The following TMC4 variants were observed in gnomAD, a reference collection of about 807,000 sequenced individuals.
TMC4 encodes the protein transmembrane channel like 4, also known as voltage-gated chloride channel TMC4.
In TMC4, 70 loss-of-function variants were observed where a neutral mutation model predicts 82.0. The observed-to-expected ratio is 0.85, with a 90% CI of 0.70 to 1.04. TMC4 has a LOEUF of 1.04. TMC4 is among the 50% of genes least tolerant of loss of function. TMC4 has a pLI of 0.00. For missense variants in TMC4, 879 were observed against 899.0 expected (o/e 0.98, Z 0.28); for synonymous variants, 446 against 406.0 (o/e 1.10, Z -1.18).
chr19:54,167,254 C>T (rs917066212), intron 5 of TMC4, among the ~76,000 whole-genome samples: 1 of 151,896 alleles, frequency 6.6e-6, no homozygotes. Flanking sequence ...CAGAGTGAGA[C>T]CCTGTCTCAA....
rs1333981068 is a variant in TMC4, at chr19:54,163,118, A to G, written c.1319T>C (p.Phe440Ser). ...LRLASLVVLL[F>S]SLWNQITCGG... ...ACAAGTGATCTGATTCCAGAGAGAG[A>G]AGAGCAGGACCACCAGGGAGGCGAG... The change falls in exon 9 of 15, where the codon TTC becomes TCC. Residue 440 changes from phenylalanine to serine, a missense_variant. By Grantham distance (155) the Phe-to-Ser change is radical. Coordinates refer to ENST00000619895, the MANE Select transcript of TMC4 (RefSeq NM_144686.4). 1 of 1,613,764 alleles carries G rather than the reference A, an allele frequency of 6.2e-7. No individual in the cohort carries two copies. The highest frequency in any genetic ancestry group is 1.3e-5 in the African/African-American group (1 of 74,914).
intron 1 of TMC4, chr19:54,172,617 T>C: frequency 3.6e-6 from 1 of 281,220 alleles, no homozygotes; most frequent in Non-Finnish European, 6.5e-6. Context: ...CAGCCCCTCC[T>C]CCCTCAGGCC....
At chr19:54,163,512 T>A in intron 8 of TMC4, 1 of 637,314 alleles carries the variant, frequency 1.6e-6, no homozygotes, top group Non-Finnish European at 2.7e-6. Context: ...TTCATCATGT[T>A]TGTCAGGCTG....
chr19:54,161,265 T>G lies in TMC4; in HGVS notation c.1687-5A>C. ...GCAGGTGGAGAAGAGGGTAAGCTGGTGGGGGAAGGCACGGAGAAAAGGGCT... is the reference window on the plus strand; with the variant it reads ...GCAGGTGGAGAAGAGGGTAAGCTGGGGGGGGAAGGCACGGAGAAAAGGGCT... On this transcript the variant is annotated splice_polypyrimidine_tract_variant and splice_region_variant and intron_variant, in intron 11 of 14. Transcript: ENST00000619895. 1 of 1,501,560 alleles carries G rather than the reference T, an allele frequency of 6.7e-7. No homozygotes were observed. 93.0% of individuals were successfully genotyped at this position (1,501,560 alleles called of 1,614,324 possible). A position where few individuals can be genotyped will look rare whatever the true frequency, so the allele number is the denominator to read the frequency against.
In TMC4 at chr19:54,162,773, G is replaced by A; in HGVS notation, c.1405-3C>T. The A allele has an allele frequency of 6.2e-7, 1 of 1,613,238 alleles. No homozygotes were observed. Among genetic ancestry groups the A allele is most frequent in the East Asian group, 2.2e-5 (1 of 44,870 alleles). The stretch of plus-strand genomic sequence containing the variant: ...TGGCCCAGGACAGTCTCCCAGCACT[G>A]AAGAAGGAAGAAATATATCAGAAAG... On this transcript the variant is annotated splice_region_variant and splice_polypyrimidine_tract_variant and intron_variant, in intron 9 of 14. Transcript: ENST00000619895.
intron 13 of TMC4, 110 bp downstream of exon 13, chr19:54,160,768 C>G (rs754115408): frequency 3.2e-5 from 47 of 1,460,882 alleles, no homozygotes; most frequent in Non-Finnish European, 4.0e-5. Context: ...CTCCCTCAGA[C>G]TCAGTACGTT....
intron 8 of TMC4, 145 bp from the exon 9 acceptor site, chr19:54,163,304 CTTTCTTTTTTTTT>C: frequency 1.3e-6 from 1 of 794,874 alleles, no homozygotes; most frequent in Non-Finnish European, 1.8e-6. Flanking sequence ...TTCTTTCTTT[CTTTCTTTTTTTTT>C]TTTTTTTTTT....
At chr19:54,172,761 A>T in intron 1 of TMC4, 1 of 402,970 alleles carries the variant, frequency 2.5e-6, no homozygotes, top group Non-Finnish European at 4.4e-6. Context: ...CCTCTAGCTC[A>T]GGAGTGTGGG....
At chr19:54,162,882 G>T in intron 9 of TMC4, 112 bp from the exon 10 acceptor site, 2 of 1,512,408 alleles carry the variant, frequency 1.3e-6, no homozygotes, top group Non-Finnish European at 9.1e-7. Context: ...ACTTTCTCTG[G>T]GGGTCCTCGT....
intron 3 of TMC4, among the ~76,000 whole-genome samples, chr19:54,168,887 C>CTTTTCT (rs1170983259): frequency 1.8e-4 from 4 of 22,542 alleles, no homozygotes; most frequent in East Asian, 2.0e-3. Flanking sequence ...CTTTTCTTTT[C>CTTTTCT]TTTCTTTCCT....
Position 54,171,983 on chromosome 19 carries a change from C to A in TMC4, c.180G>T (p.Glu60Asp). Residue 60 changes from glutamate (E) to aspartate (D), a missense_variant, in exon 2 of 15, where the codon GAG becomes GAT. Coordinates refer to ENST00000619895, the MANE Select transcript of TMC4 (RefSeq NM_144686.4). ...VLPWGALEEE[E>D]EDGGRSRKAF... is the part of the protein sequence containing the mutation. Reference sequence around the variant, plus strand: ...CCTTTCTGCTCCTTCCTCCATCCTCCTCCTCCTCCTCCAGCGCCCCCCAAG... The same window carrying A: ...CCTTTCTGCTCCTTCCTCCATCCTCATCCTCCTCCTCCAGCGCCCCCCAAG... 1 of 1,612,436 alleles carries A rather than the reference C, an allele frequency of 6.2e-7. No homozygotes were observed. The highest frequency in any genetic ancestry group is 8.5e-7 in the Non-Finnish European group (1 of 1,179,026).
At position 54,160,313 on chromosome 19, in the gene TMC4, G is replaced by C; in HGVS notation, c.2114C>G (p.Ala705Gly). ...RAVALTSTKP[A>G]L ...GGACGTGGGCTGCGGGGGTCAAAGA[G>C]CCGGTTTGGTGGAGGTCAGCGCCAC... The change falls in exon 15 of 15, where the codon GCT becomes GGT. Residue 705 changes from alanine (A) to glycine (G), a missense_variant. Physicochemically the swap from Ala to Gly is moderately conservative, Grantham distance 60. Coordinates refer to ENST00000619895, the MANE Select transcript of TMC4 (RefSeq NM_144686.4). 6.6e-7 allele frequency: 1 copy of C among 1,516,974 alleles called. No homozygotes were observed. Among genetic ancestry groups the C allele is most frequent in the Non-Finnish European group, 8.8e-7 (1 of 1,133,628 alleles). The allele number at this position is 1,516,974 out of a possible 1,614,324, so 94.0% of individuals were successfully genotyped here.
At chr19:54,167,525 C>T (rs992206310) in intron 5 of TMC4, among the ~76,000 whole-genome samples, 1 of 151,416 alleles carries the variant, frequency 6.6e-6, no homozygotes, top group African/African-American at 2.4e-5. Flanking sequence ...TGCCATTGCA[C>T]TCCAGCCTGG....
rs2075811121 is a variant in TMC4 at position 54,168,973 on chromosome 19, TC to T, written c.443-294del. On this transcript the variant is annotated intron_variant, in intron 3 of 14. Coordinates refer to ENST00000619895, the MANE Select transcript of TMC4 (RefSeq NM_144686.4). ...CTTCCTTCCTTCCTTCCTTCTTCTTTCTCTCTCTCTCTCTCTCTCTCTATAT... is the reference window on the plus strand; with the variant it reads ...CTTCCTTCCTTCCTTCCTTCTTCTTTTCTCTCTCTCTCTCTCTCTCTATAT... 2.2e-4 allele frequency among the ~76,000 whole-genome samples: 3 copies of T among 13,476 alleles called. 1 individual carries two copies. The highest frequency in any genetic ancestry group is 1.4e-3 in the African/African-American group (3 of 2,212). The allele number at this position is 13,476 out of a possible 152,430, so 8.8% of individuals were successfully genotyped here.
chr19:54,162,222 C>G lies in TMC4; in HGVS notation c.1566G>C (p.Val522=). The part of the protein sequence containing the change: ...GRLAGTQEFQ[V]PDEVLGLIYA... ...AGATGAGCCCCAGCACCTCGTCGGG[C>G]ACCTGGAACTCTTGGGTCCCCGCCA... Residue 522 remains valine (V), a synonymous_variant, in exon 11 of 15, where the codon GTG becomes GTC. Coordinates refer to ENST00000619895, the MANE Select transcript of TMC4 (RefSeq NM_144686.4). 2 of 1,612,556 alleles carry G rather than the reference C, an allele frequency of 1.2e-6. No individual in the cohort carries two copies. The highest frequency in any genetic ancestry group is 1.7e-6 in the Non-Finnish European group (2 of 1,179,420).
rs2075515020 is a variant in TMC4 at position 54,160,494 on chromosome 19, G to A, written c.2025C>T (p.Ile675=). 3 of 1,614,208 alleles carry A rather than the reference G, an allele frequency of 1.9e-6. No individual in the cohort carries two copies. Among genetic ancestry groups the A allele is most frequent in the South Asian group, 1.1e-5 (1 of 91,088 alleles). ...VALANSYGRL[I]SELKRQRETE... ...TCTCTCTCTGACGTTTGAGCTCAGA[G>A]ATGAGGCGTCCGTAGGAGTTAGCCA... is the stretch of plus-strand genomic sequence containing the variant. The change falls in exon 14 of 15, where the codon ATC becomes ATT. Residue 675 remains isoleucine (I), a synonymous_variant. Coordinates refer to ENST00000619895, the MANE Select transcript of TMC4 (RefSeq NM_144686.4).
rs577856085 is a variant in TMC4 at position 54,164,343 on chromosome 19, C to A, written c.1113+91G>T. On this transcript the variant is annotated intron_variant, in intron 7 of 14. Coordinates refer to ENST00000619895, the MANE Select transcript of TMC4 (RefSeq NM_144686.4). ...CTCTCCCATACTTCCTCTCTAAGAT[C>A]TCTGGCATCCCAAACTTCCGTCCCC... The A allele has an allele frequency of 1.1e-4, 158 of 1,456,756 alleles. No individual in the cohort carries two copies. In the Middle Eastern group the frequency reaches 2.2e-3, roughly 21 times the overall value. The allele number at this position is 1,456,756 out of a possible 1,614,324, so 90.2% of individuals were successfully genotyped here. A position where few individuals can be genotyped will look rare whatever the true frequency, so the allele number is the denominator to read the frequency against.
At position 54,163,757 on chromosome 19, in the gene TMC4, G is replaced by C; in HGVS notation, c.1244C>G (p.Thr415Ser). The change falls in exon 8 of 15, where the codon ACT becomes AGT. Residue 415 changes from threonine to serine, a missense_variant. By Grantham distance (58) the Thr-to-Ser change is moderately conservative. Coordinates refer to ENST00000619895, the MANE Select transcript of TMC4 (RefSeq NM_144686.4). ...GATAAAAACGATCTGGCGACTCCGAGTGTAGCCCTCCAGTGGAGCAATGAG... is the reference window on the plus strand; with the variant it reads ...GATAAAAACGATCTGGCGACTCCGACTGTAGCCCTCCAGTGGAGCAATGAG... ...FKLIAPLEGYTRSRQIVFILL... is the reference protein window; with the variant it reads ...FKLIAPLEGYSRSRQIVFILL... 1 of 1,614,074 alleles carries C rather than the reference G, an allele frequency of 6.2e-7. No homozygotes were observed. The highest frequency in any genetic ancestry group is 8.5e-7 in the Non-Finnish European group (1 of 1,180,036).
chr19:54,170,368 T>C (rs552866179), intron 2 of TMC4, among the ~76,000 whole-genome samples: 34 of 150,076 alleles, frequency 2.3e-4, no homozygotes, highest in Non-Finnish European at 4.3e-4. Context: ...GAGAAGAGGT[T>C]ACCTTGTATT....
Sources: allele counts gnomAD v4.1 joint callset (sites outside exome capture counted in the v4.1 genomes callset), GRCh38; gene constraint gnomAD v4.1.1; transcripts MANE v1.5; gene names NCBI Gene and HGNC (gene_info 2026-07-23, HGNC 2026-07-21).